Variants in FBXO33 observed in about 807,000 individuals in gnomAD.
FBXO33 encodes F-box only protein 33.
A neutral mutation model predicts 46.3 loss-of-function variants in FBXO33; 22 were observed. The observed-to-expected ratio is 0.48, with a 90% confidence interval of 0.34 to 0.68. The LOEUF (loss-of-function observed/expected upper bound fraction) is 0.68, where lower values mean the gene tolerates loss of function less well. Ranked by LOEUF, FBXO33 falls within the 30% of genes least tolerant of loss-of-function variation. The probability of loss-of-function intolerance (pLI) is 0.01; values close to 1 mark genes in which losing one functional copy is unlikely to be tolerated. For missense variants in FBXO33, 692 were observed against 708.8 expected (o/e 0.98, Z 0.27); for synonymous variants, 337 against 291.3 (o/e 1.16, Z -1.60).
In FBXO33 at chr14:39,420,458, G is replaced by A. The variant is rs142478455; in HGVS notation, c.599+11106C>T. 8.6e-3 allele frequency among the ~76,000 whole-genome samples: 1,309 copies of A among 152,194 alleles called. 18 individuals are homozygous for A. Among genetic ancestry groups the A allele is most frequent in the African/African-American group, 0.029 (1,189 of 41,522 alleles). ...GTAATCTCAGCGCTTTGGGAGGCCG[G>A]GGCGGGCGGATCACGAGGTCAGATC... On this transcript the variant is annotated intron_variant, in intron 1 of 3. Coordinates refer to ENST00000298097, the MANE Select transcript of FBXO33 (RefSeq NM_203301.4).
chr14:39,420,370 T>C (rs1244636117), intron 1 of FBXO33, among the ~76,000 whole-genome samples: 1 of 152,208 alleles, frequency 6.6e-6, no homozygotes, highest in African/African-American at 2.4e-5. Flanking sequence ...CAATGATATC[T>C]GGGAATTGCT....
At chr14:39,400,546 C>A (rs1203080846) in intron 3 of FBXO33, among the ~76,000 whole-genome samples, 11 of 151,722 alleles carry the variant, frequency 7.3e-5, no homozygotes, top group Admixed American at 6.6e-4. Flanking sequence ...TTCCCAAATA[C>A]AAATGCACAC....
intron 1 of FBXO33, among the ~76,000 whole-genome samples, chr14:39,429,384 T>C (rs147321883): frequency 6.6e-6 from 1 of 152,316 alleles, no homozygotes; most frequent in East Asian, 1.9e-4. Context: ...CAATGTCAAA[T>C]GTCCCAAGTC....
chr14:39,418,770 G>A (rs371542761), intron 1 of FBXO33, among the ~76,000 whole-genome samples: 18 of 121,956 alleles, frequency 1.5e-4, no homozygotes, highest in African/African-American at 6.0e-4. Flanking sequence ...GCGAGACTCC[G>A]TCTCAAAAAA....
At chr14:39,418,344 G>A (rs998962979) in intron 1 of FBXO33, among the ~76,000 whole-genome samples, 12 of 151,210 alleles carry the variant, frequency 7.9e-5, no homozygotes, top group African/African-American at 2.9e-4. Context: ...ATTACAGGCC[G>A]GAGCCACTGT....
intron 1 of FBXO33, among the ~76,000 whole-genome samples, chr14:39,413,722 C>T (rs2075434412): frequency 6.6e-6 from 1 of 152,224 alleles, no homozygotes; most frequent in Admixed American, 6.5e-5. Flanking sequence ...CATGAATCTC[C>T]TGGTTCATCT....
In FBXO33 at chr14:39,416,821, T is replaced by C. The variant is rs926855779; in HGVS notation, c.600-14310A>G. ...TTAATTTAAATTCTTTGTAGGTAAT[T>C]AATACATCCACTTTTTTTTAAATTG... On this transcript the variant is annotated intron_variant, in intron 1 of 3. Transcript: ENST00000298097. Among the ~76,000 whole-genome samples the C allele has an allele frequency of 3.3e-5, 5 of 152,326 alleles. No homozygotes were observed. In the South Asian group the frequency reaches 1.0e-3, roughly 32 times the overall value.
chr14:39,430,506 C>A (rs2075538134), intron 1 of FBXO33, among the ~76,000 whole-genome samples: 1 of 152,112 alleles, frequency 6.6e-6, no homozygotes, highest in African/African-American at 2.4e-5. Context: ...CAATGCCGTA[C>A]AGCAATGTGC....
At chr14:39,406,404 A>G (rs1322773891) in intron 1 of FBXO33, among the ~76,000 whole-genome samples, 1 of 152,224 alleles carries the variant, frequency 6.6e-6, no homozygotes, top group African/African-American at 2.4e-5. Context: ...AACACTAAGG[A>G]CAACGGCCTT....
intron 1 of FBXO33, among the ~76,000 whole-genome samples, chr14:39,417,573 C>T (rs920246267): frequency 4.6e-5 from 7 of 152,016 alleles, no homozygotes; most frequent in Non-Finnish European, 1.0e-4. Flanking sequence ...CTCTGTTGCC[C>T]AGGCTGGAGT....
rs1345295589 is a variant in FBXO33 at position 39,420,492 on chromosome 14, C to A, written c.599+11072G>T. Among the ~76,000 whole-genome samples, 6 of 152,252 alleles carry A rather than the reference C, an allele frequency of 3.9e-5. No homozygotes were observed. The East Asian group carries it at 1.2e-3, about 29-fold the overall frequency. ...GATCACGAGGTCAGATCGAGACCAA[C>A]CTGGCTAACACGGTGAAACCCCGTC... On this transcript the variant is annotated intron_variant, in intron 1 of 3. Coordinates refer to ENST00000298097, the MANE Select transcript of FBXO33 (RefSeq NM_203301.4).
chr14:39,406,181 TAAA>T (rs929453832), intron 1 of FBXO33, among the ~76,000 whole-genome samples: 1 of 151,660 alleles, frequency 6.6e-6, no homozygotes, highest in Non-Finnish European at 1.5e-5. Context: ...AAAAGAAAAA[TAAA>T]AAAAATTAAA....
intron 1 of FBXO33, among the ~76,000 whole-genome samples, chr14:39,407,212 G>C (rs550334878): frequency 1.3e-5 from 2 of 152,282 alleles, no homozygotes; most frequent in African/African-American, 4.8e-5. Flanking sequence ...AAACTGAACA[G>C]AAGTATCAGT....
At chr14:39,423,345 G>GT (rs1392417059) in intron 1 of FBXO33, among the ~76,000 whole-genome samples, 2 of 152,088 alleles carry the variant, frequency 1.3e-5, no homozygotes. Flanking sequence ...TGGACAACCC[G>GT]TTTTGAAAAG....
chr14:39,427,027 A>C (rs561782189), intron 1 of FBXO33, among the ~76,000 whole-genome samples: 2 of 152,306 alleles, frequency 1.3e-5, no homozygotes, highest in South Asian at 4.1e-4. Flanking sequence ...TAGATTTTCT[A>C]TAACTATCAT....
chr14:39,427,718 C>T (rs953653224), intron 1 of FBXO33, among the ~76,000 whole-genome samples: 1 of 152,060 alleles, frequency 6.6e-6, no homozygotes, highest in South Asian at 2.1e-4. Context: ...ATGGGAGAAT[C>T]ATATGAGGCC....
Position 39,402,383 on chromosome 14 carries a change from A to G in FBXO33, c.710+18T>C. ...TTATTAATAGTACAACCTCCTTTCC[A>G]TTAACCATATAACTTACTGTTTAAT... On this transcript the variant is annotated intron_variant, in intron 2 of 3. Coordinates refer to ENST00000298097, the MANE Select transcript of FBXO33 (RefSeq NM_203301.4). 1 of 1,369,952 alleles carries G rather than the reference A, an allele frequency of 7.3e-7. No individual in the cohort carries two copies. Among genetic ancestry groups the G allele is most frequent in the Non-Finnish European group, 1.0e-6 (1 of 993,726 alleles). The allele number at this position is 1,369,952 out of a possible 1,614,324, so 84.9% of individuals were successfully genotyped here.
At chr14:39,419,497 G>C (rs1377457016) in intron 1 of FBXO33, among the ~76,000 whole-genome samples, 4 of 152,128 alleles carry the variant, frequency 2.6e-5, no homozygotes, top group African/African-American at 9.7e-5. Context: ...AGACTGAGAA[G>C]AACATCTAGG....
At chr14:39,424,320 C>G (rs904658605) in intron 1 of FBXO33, among the ~76,000 whole-genome samples, 2 of 152,290 alleles carry the variant, frequency 1.3e-5, no homozygotes, top group South Asian at 4.1e-4. Context: ...TATATTTCTT[C>G]GTAGCATATA....
Sources: gnomAD v4.1 joint callset for allele counts (sites outside exome capture counted in the v4.1 genomes callset) on GRCh38, gnomAD v4.1.1 for gene constraint, MANE v1.5 for transcripts, NCBI Gene and HGNC (gene_info 2026-07-23, HGNC 2026-07-21) for gene names.